Variants in C4orf51 observed in about 807,000 individuals in gnomAD.
C4orf51 encodes the protein chromosome 4 open reading frame 51.
A neutral mutation model predicts 25.2 loss-of-function variants in C4orf51; 25 were observed. The observed-to-expected ratio is 0.99, with a 90% CI of 0.72 to 1.39. The LOEUF is 1.39. Ranked by LOEUF, C4orf51 falls within the 40% of genes most tolerant of loss-of-function variation. C4orf51 has a pLI of 0.00. For synonymous variants in C4orf51, 100 were observed against 84.5 expected (o/e 1.18, Z -1.01); for missense variants, 252 against 239.6 (o/e 1.05, Z -0.34).
downstream of C4orf51, among the ~76,000 whole-genome samples, chr4:145,736,198 A>G (rs142806903): frequency 6.6e-6 from 1 of 151,912 alleles, no homozygotes; most frequent in African/African-American, 2.4e-5. Flanking sequence ...GAACACTGTT[A>G]TTATAGCATT....
chr4:145,693,015 CTGTTT>C (rs377317767), intron 1 of C4orf51, among the ~76,000 whole-genome samples: 2 of 55,534 alleles, frequency 3.6e-5, no homozygotes, highest in Admixed American at 2.2e-4. Context: ...AATTTTTCAC[CTGTTT>C]TTTTTTTTTT....
At chr4:145,782,715 A>G in the C4orf51 span, among the ~76,000 whole-genome samples, 1 of 152,166 alleles carries the variant, frequency 6.6e-6, no homozygotes, top group South Asian at 2.1e-4. Flanking sequence ...AAGGCTCCTC[A>G]AGGCCAAACT....
Position 145,761,470 on chromosome 4 carries a change from G to C in C4orf51, n.167-9518G>C. 1 of 1,289,866 alleles carries C rather than the reference G, an allele frequency of 7.8e-7. No individual in the cohort carries two copies. The highest frequency in any genetic ancestry group is 1.0e-6 in the Non-Finnish European group (1 of 988,872). The allele number at this position is 1,289,866 out of a possible 1,614,324, so 79.9% of individuals were successfully genotyped here. On this transcript the variant is annotated intron_variant and non_coding_transcript_variant, in intron 1 of 1. Transcript: ENST00000510096. The surrounding 1 kb of genome is among the most constrained non-coding windows in gnomAD (Gnocchi z 6.8). ...GCCCAGGCGGTGCTCCCGGGTGTGC[G>C]TCTCCAGCTCCAGCTGGTTGGCCTT...
intron 1 of C4orf51, among the ~76,000 whole-genome samples, chr4:145,684,528 G>T (rs1010317823): frequency 1.3e-4 from 20 of 152,070 alleles, no homozygotes; most frequent in African/African-American, 4.8e-4. Context: ...TGTCATCAGG[G>T]AAATACAAAT....
At chr4:145,787,592 A>G in the C4orf51 span, among the ~76,000 whole-genome samples, 1 of 152,254 alleles carries the variant, frequency 6.6e-6, no homozygotes, top group East Asian at 1.9e-4. Flanking sequence ...TCAACCTCCA[A>G]TGCTTAACAA....
intron 2 of C4orf51, among the ~76,000 whole-genome samples, chr4:145,701,393 C>T (rs1422345566): frequency 6.6e-6 from 1 of 152,220 alleles, no homozygotes; most frequent in East Asian, 1.9e-4. Context: ...AATCTGACCA[C>T]CAGGCCAAGG....
intron 2 of C4orf51, among the ~76,000 whole-genome samples, chr4:145,705,058 A>G (rs1224650785): frequency 1.3e-5 from 2 of 152,202 alleles, no homozygotes; most frequent in Non-Finnish European, 2.9e-5. Context: ...CTGCACTTGC[A>G]GTGGCCTGCT....
intron 2 of C4orf51, among the ~76,000 whole-genome samples, chr4:145,706,075 G>A (rs1415090286): frequency 1.3e-5 from 2 of 152,088 alleles, no homozygotes; most frequent in African/African-American, 4.8e-5. Flanking sequence ...AGTCTAAATT[G>A]CAGACAAAAA....
the C4orf51 span, among the ~76,000 whole-genome samples, chr4:145,789,962 A>G: frequency 1.3e-5 from 2 of 152,194 alleles, no homozygotes; most frequent in African/African-American, 4.8e-5. Context: ...ACATCTTTAC[A>G]TCTGGTGAGC....
chr4:145,704,582 G>A (rs564910925), intron 2 of C4orf51, among the ~76,000 whole-genome samples: 2 of 152,130 alleles, frequency 1.3e-5, no homozygotes, highest in African/African-American at 4.8e-5. Flanking sequence ...ATTGGTCTGT[G>A]TGTCTGTTTT....
intron 1 of C4orf51, among the ~76,000 whole-genome samples, chr4:145,739,457 C>T (rs983260058): frequency 2.6e-5 from 4 of 152,162 alleles, no homozygotes; most frequent in African/African-American, 9.7e-5. Flanking sequence ...GGCTCAAACA[C>T]AAACTGATAT....
At chr4:145,745,843 G>T (rs1402581740) in intron 1 of C4orf51, among the ~76,000 whole-genome samples, 3 of 152,166 alleles carry the variant, frequency 2.0e-5, no homozygotes, top group Admixed American at 6.5e-5. Context: ...CCCACCAACA[G>T]TGTACTAGGG....
chr4:145,756,940 T>A (rs1458976991), downstream of C4orf51, among the ~76,000 whole-genome samples: 5 of 152,198 alleles, frequency 3.3e-5, no homozygotes, highest in Non-Finnish European at 5.9e-5. Flanking sequence ...CAAAGGACAT[T>A]ATATTTATAA....
At chr4:145,684,253 C>T (rs1402005673) in intron 1 of C4orf51, among the ~76,000 whole-genome samples, 2 of 152,144 alleles carry the variant, frequency 1.3e-5, no homozygotes, top group African/African-American at 2.4e-5. Context: ...GAGGTCAAGG[C>T]AGGCAGATCA....
At chr4:145,695,503 C>T (rs1212586385) in intron 1 of C4orf51, among the ~76,000 whole-genome samples, 10 of 152,170 alleles carry the variant, frequency 6.6e-5, no homozygotes, top group African/African-American at 2.4e-4. Context: ...GCATAGCCTG[C>T]AAATATTTTA....
intron 5 of C4orf51, 22 bp from the exon 6 acceptor site, chr4:145,732,431 C>G: frequency 6.5e-7 from 1 of 1,541,504 alleles, no homozygotes; most frequent in Non-Finnish European, 8.9e-7. Context: ...CGAGTGTTGA[C>G]AACCAGGCCA....
chr4:145,772,609 T>G (rs538825297), downstream of C4orf51, among the ~76,000 whole-genome samples: 1 of 152,292 alleles, frequency 6.6e-6, no homozygotes, highest in Non-Finnish European at 1.5e-5. Context: ...CCGAGTTGAG[T>G]AGTAGTGACA....
intron 1 of C4orf51, 135 bp from the exon 2 acceptor site, chr4:145,696,424 A>G: frequency 1.4e-6 from 1 of 714,862 alleles, no homozygotes; most frequent in Non-Finnish European, 2.4e-6. Context: ...TAAATAACAA[A>G]CCTTCACATG....
chr4:145,741,927 C>G (rs1733124749), intron 1 of C4orf51, among the ~76,000 whole-genome samples: 1 of 152,102 alleles, frequency 6.6e-6, no homozygotes, highest in East Asian at 1.9e-4. Context: ...TCTCAAACTC[C>G]TGACTTCAAG....
Sources: allele counts gnomAD v4.1 joint callset (sites outside exome capture counted in the v4.1 genomes callset), GRCh38; gene constraint gnomAD v4.1.1; non-coding constraint Gnocchi (gnomAD v3.1); transcripts MANE v1.5; gene names NCBI Gene and HGNC (gene_info 2026-07-23, HGNC 2026-07-21).